Variants in SMIM19 observed in about 807,000 individuals in gnomAD.
SMIM19 encodes the protein UPF0697 protein C8orf40.
In SMIM19, 6 loss-of-function variants were observed where a neutral mutation model predicts 13.2. The ratio of observed to expected loss-of-function variants is 0.45; its 90% CI spans 0.25 to 0.90. SMIM19 has a LOEUF of 0.90. Among genes scored for constraint, SMIM19 ranks in the 40% least tolerant of loss-of-function variants. The pLI is 0.19. For synonymous variants in SMIM19, 46 were observed against 43.1 expected (o/e 1.07, Z -0.27); for missense variants, 138 against 131.0 (o/e 1.05, Z -0.26).
intron 1 of SMIM19, among the ~76,000 whole-genome samples, chr8:42,542,982 T>TAAAAA (rs57392162): frequency 4.3e-5 from 6 of 139,810 alleles, no homozygotes; most frequent in South Asian, 2.3e-4. Flanking sequence ...CCTGTTTTTG[T>TAAAAA]AAAAAAAAAA....
At chr8:42,551,072 G>C (rs904262356) in intron 3 of SMIM19, among the ~76,000 whole-genome samples, 1 of 151,788 alleles carries the variant, frequency 6.6e-6, no homozygotes, top group African/African-American at 2.4e-5. Context: ...TAATCCCAGC[G>C]CTTTGGGAGG....
chr8:42,549,858 A>G (rs1813611331), intron 3 of SMIM19, among the ~76,000 whole-genome samples: 1 of 152,142 alleles, frequency 6.6e-6, no homozygotes. Flanking sequence ...GCACTTTGGG[A>G]GTCTGAGACA....
At chr8:42,543,170 T>G (rs1813333364) in intron 1 of SMIM19, among the ~76,000 whole-genome samples, 2 of 152,186 alleles carry the variant, frequency 1.3e-5, no homozygotes, top group African/African-American at 4.8e-5. Context: ...GGTGTCTTGC[T>G]TTAGATTCCA....
chr8:42,544,511 T>C (rs73675085), intron 1 of SMIM19, among the ~76,000 whole-genome samples: 12,771 of 52,914 alleles, frequency 0.24, 1,182 homozygotes, highest in African/African-American at 0.41. Context: ...TTGGGTATAG[T>C]CTAGTGTTTA....
chr8:42,543,702 TC>T (rs1813369603), intron 1 of SMIM19, among the ~76,000 whole-genome samples: 1 of 152,242 alleles, frequency 6.6e-6, no homozygotes, highest in Non-Finnish European at 1.5e-5. Context: ...CTGGTTCTGA[TC>T]CATTTTGTCA....
In SMIM19 at chr8:42,552,567, C is replaced by A. The variant is rs866377307; in HGVS notation, c.283C>A (p.Pro95Thr). Residue 95 changes from proline to threonine, a missense_variant, in exon 4 of 4, where the codon CCA becomes ACA. Physicochemically the swap from Pro to Thr is conservative, Grantham distance 38. Transcript: ENST00000417410. ...AGCAAGAAAGTACGACTATCAGCAG[C>A]CACAAAACCAAGCTGACAGTGTGCA... ...SISRKYDYQQPQNQADSVQLS... is the reference protein window; with the variant it reads ...SISRKYDYQQTQNQADSVQLS... 6.2e-7 allele frequency: 1 copy of A among 1,614,006 alleles called. No homozygotes were observed.
intron 3 of SMIM19, among the ~76,000 whole-genome samples, chr8:42,551,971 A>T (rs970298601): frequency 3.9e-5 from 6 of 152,164 alleles, no homozygotes. Flanking sequence ...TGAAATTTTA[A>T]TAGCTTAATG....
At chr8:42,548,128 C>T (rs1362097670) in intron 2 of SMIM19, among the ~76,000 whole-genome samples, 1 of 152,174 alleles carries the variant, frequency 6.6e-6, no homozygotes, top group Non-Finnish European at 1.5e-5. Context: ...GACCGCTTTC[C>T]TCTAAAAACA....
chr8:42,554,823 T>G lies in SMIM19; in HGVS notation c.*2215T>G, dbSNP rs1586334760. Reference sequence around the variant, plus strand: ...AAGCTAGTAATTAACCCTTGTATTCTTTTTCTGGTTTCATCTTCCTGTTTT... The same window carrying G: ...AAGCTAGTAATTAACCCTTGTATTCGTTTTCTGGTTTCATCTTCCTGTTTT... On this transcript the variant is annotated 3_prime_UTR_variant, in exon 4 of 4. Transcript: ENST00000417410. The G allele has an allele frequency of 6.6e-6, 1 of 152,378 alleles. No homozygotes were observed. The highest frequency in any genetic ancestry group is 2.4e-5 in the African/African-American group (1 of 41,588). 9.4% of individuals were successfully genotyped at this position (152,378 alleles called of 1,614,324 possible).
chr8:42,541,360 C>A (rs1156255062), upstream of SMIM19: 1 of 147,660 alleles, frequency 6.8e-6, no homozygotes, highest in Non-Finnish European at 1.5e-5. Flanking sequence ...CGCGGGAGCC[C>A]GGGAGTCGGG....
intron 3 of SMIM19, 151 bp from the exon 4 acceptor site, chr8:42,552,393 G>T: frequency 1.3e-6 from 1 of 771,632 alleles, no homozygotes. Context: ...ACTGCAGCCT[G>T]GGTATCAGAG....
intron 3 of SMIM19, 49 bp downstream of exon 3, chr8:42,548,829 AT>A: frequency 6.5e-7 from 1 of 1,531,676 alleles, no homozygotes; most frequent in Non-Finnish European, 8.8e-7. Context: ...TTTAAAATAG[AT>A]TTTCTGGAAT....
rs1233087850 is a variant in SMIM19, at chr8:42,548,725, T to C, written c.204T>C (p.Phe68=). ...AGGAAACTTTGTCAGAGCCCAACTT[T>C]TATGACACGATAAGCAAGATTCGTT... is the stretch of plus-strand genomic sequence containing the variant. The part of the protein sequence containing the change: ...PTEETLSEPN[F]YDTISKIRLR... The change falls in exon 3 of 4, where the codon TTT becomes TTC. Residue 68 remains phenylalanine (F), a synonymous_variant. Transcript: ENST00000417410. 3 of 1,613,862 alleles carry C rather than the reference T, an allele frequency of 1.9e-6. No homozygotes were observed. The highest frequency in any genetic ancestry group is 2.2e-5 in the South Asian group (2 of 91,068).
At chr8:42,541,438 C>G (rs1056923415), upstream of SMIM19, 5 of 147,220 alleles carry the variant, frequency 3.4e-5, no homozygotes, top group African/African-American at 1.2e-4. Context: ...GGAAAGGAGC[C>G]CGGCTCCACT....
At chr8:42,548,615 C>T (rs768351774) in intron 2 of SMIM19, 41 bp from the exon 3 acceptor site, 10 of 1,610,360 alleles carry the variant, frequency 6.2e-6, no homozygotes, top group Non-Finnish European at 7.6e-6. Flanking sequence ...ACTCTATAGA[C>T]ATTAATACAA....
At chr8:42,551,754 G>A (rs1229017638) in intron 3 of SMIM19, among the ~76,000 whole-genome samples, 2 of 152,040 alleles carry the variant, frequency 1.3e-5, no homozygotes, top group Non-Finnish European at 2.9e-5. Context: ...ACCAGCCTGG[G>A]CAACATGGTG....
At chr8:42,550,115 TAC>T (rs1586330202) in intron 3 of SMIM19, among the ~76,000 whole-genome samples, 2 of 152,112 alleles carry the variant, frequency 1.3e-5, no homozygotes, top group East Asian at 3.9e-4. Context: ...TAAAAAAAAG[TAC>T]AGAGCCAGGA....
intron 3 of SMIM19, among the ~76,000 whole-genome samples, chr8:42,549,411 CAA>C (rs559738755): frequency 2.3e-5 from 3 of 128,106 alleles, no homozygotes; most frequent in Non-Finnish European, 1.7e-5. Context: ...GACTCCGTCT[CAA>C]AAAAAAAAAA....
At position 42,553,088 on chromosome 8, in the gene SMIM19, C is replaced by T. The variant is rs1421192510; in HGVS notation, c.*480C>T. 1 of 147,026 alleles carries T rather than the reference C, an allele frequency of 6.8e-6. No homozygotes were observed. The highest frequency in any genetic ancestry group is 2.0e-4 in the East Asian group (1 of 5,068). The allele number at this position is 147,026 out of a possible 1,614,324, so 9.1% of individuals were successfully genotyped here. A position where few individuals can be genotyped will look rare whatever the true frequency, so the allele number is the denominator to read the frequency against. ...TTTTTTTTTGAGACAGAGTCTGTTG[C>T]CCAGACTGGAGTGCAGTGGCACAAT... On this transcript the variant is annotated 3_prime_UTR_variant, in exon 4 of 4. Transcript: ENST00000417410.
Sources: gnomAD v4.1 joint callset for allele counts (sites outside exome capture counted in the v4.1 genomes callset) on GRCh38, gnomAD v4.1.1 for gene constraint, MANE v1.5 for transcripts, NCBI Gene and HGNC (gene_info 2026-07-23, HGNC 2026-07-21) for gene names.